The following FLG variants were observed in gnomAD, a reference collection of about 807,000 sequenced individuals.
FLG encodes the protein epidermal filaggrin.
Under a neutral mutation model 3.8 loss-of-function variants are expected in FLG, and 6 were observed. The observed-to-expected ratio is 1.60, with a 90% CI of 0.87 to 3.15. The LOEUF (loss-of-function observed/expected upper bound fraction) is 3.15. Ranked by LOEUF, FLG falls within the 30% of genes most tolerant of loss-of-function variation. The probability of loss-of-function intolerance (pLI) is 0.00; values close to 1 mark genes in which losing one functional copy is unlikely to be tolerated. For missense variants in FLG, 7,595 were observed against 5,050.9 expected, an observed-to-expected ratio of 1.50 and a Z score of -15.27; for synonymous variants, 2,551 against 1,931.6, an observed-to-expected ratio of 1.32 and a Z score of -8.41.
Position 152,308,905 on chromosome 1 carries a change from TG to T in FLG, c.5980del (p.His1994MetfsTer101). On this transcript the variant is annotated frameshift_variant, in exon 3 of 3. Coordinates refer to ENST00000368799, the MANE Select transcript of FLG (RefSeq NM_002016.2). LOFTEE classifies it low-confidence loss of function (END_TRUNC). ...TCCTGCACTTGATCTTGCCTGTTCA[TG>T]GGATGACGCAGCCTGTCCACGAGAG... ...SSSRGQAASS[H>X]EQARSSAGER... 1.9e-6 allele frequency: 3 copies of T among 1,614,136 alleles called. No individual in the cohort carries two copies. The highest frequency in any genetic ancestry group is 2.2e-5 in the South Asian group (2 of 91,080).
chr1:152,308,456 G>T lies in FLG; in HGVS notation c.6430C>A (p.Pro2144Thr), dbSNP rs78771632. The T allele has an allele frequency of 9.0e-5, 146 of 1,613,552 alleles. No individual in the cohort carries two copies. In the African/African-American group the frequency reaches 1.8e-3, roughly 20 times the overall value. Residue 2144 changes from proline to threonine, a missense_variant, in exon 3 of 3, where the codon CCA becomes ACA. By Grantham distance (38) the Pro-to-Thr change is conservative. Transcript: ENST00000368799. ...GACCCCTGTCTTCCTCCTCTGCTTG[G>T]CCCCGGGTGTCCACGAATGGTGTCC... ...GQDTIRGHPG[P>T]SRGGRQGSHQ...
chr1:152,311,778 G>C lies in FLG; in HGVS notation c.3108C>G (p.Arg1036=), dbSNP rs1463093715. 6.2e-7 allele frequency: 1 copy of C among 1,613,956 alleles called. No individual in the cohort carries two copies. Among genetic ancestry groups the C allele is most frequent in the African/African-American group, 1.3e-5 (1 of 74,894 alleles). Residue 1036 remains arginine (R), a synonymous_variant, in exon 3 of 3, where the codon CGC becomes CGG. Coordinates refer to ENST00000368799, the MANE Select transcript of FLG (RefSeq NM_002016.2). ...TGGAGCTGTCTGCTGACTGCTGGTGGCGGGATCCGTGTCTTTCTCCTGGAC... is the reference window on the plus strand; with the variant it reads ...TGGAGCTGTCTGCTGACTGCTGGTGCCGGGATCCGTGTCTTTCTCCTGGAC... ...RSSPGERHGS[R]HQQSADSSRH... is the part of the protein sequence containing the mutation.
chr1:152,309,930 T>C lies in FLG; in HGVS notation c.4956A>G (p.Gln1652=), dbSNP rs1652272466. 6.2e-7 allele frequency: 1 copy of C among 1,614,118 alleles called. No individual in the cohort carries two copies. Among genetic ancestry groups the C allele is most frequent in the Non-Finnish European group, 8.5e-7 (1 of 1,180,016 alleles). Residue 1652 remains glutamine, a synonymous_variant, in exon 3 of 3, where the codon CAA becomes CAG. Transcript: ENST00000368799. ...AAGTCTCTGCATGACGAGTGCCTGA[T>C]TGTCTGGAGCTCTCTGCAGAGTGCC... The part of the protein sequence containing the change: ...SHGHSAESSR[Q]SGTRHAETSS...
At chr1:152,316,643 C>A (rs1652798639) in intron 1 of FLG, among the ~76,000 whole-genome samples, 1 of 151,994 alleles carries the variant, frequency 6.6e-6, no homozygotes, top group African/African-American at 2.4e-5. Flanking sequence ...TATTTTCAGC[C>A]AGTCTTATTT....
chr1:152,309,115 C>T lies in FLG; in HGVS notation c.5771G>A (p.Ser1924Asn). ...CTCAGAGTCTTCTGAGTGTCCCTGACTGTCACTGTCCTGGCTAACACTGGA... is the reference window on the plus strand; with the variant it reads ...CTCAGAGTCTTCTGAGTGTCCCTGATTGTCACTGTCCTGGCTAACACTGGA... ...QGSSVSQDSD[S>N]QGHSEDSERW... is the part of the protein sequence containing the mutation. Residue 1924 changes from serine (S) to asparagine (N), a missense_variant, in exon 3 of 3, where the codon AGT becomes AAT. Transcript: ENST00000368799. 2 of 1,613,866 alleles carry T rather than the reference C, an allele frequency of 1.2e-6. No individual in the cohort carries two copies. Among genetic ancestry groups the T allele is most frequent in the South Asian group, 1.1e-5 (1 of 91,082 alleles).
In FLG at chr1:152,304,547, C is replaced by A; in HGVS notation, c.10339G>T (p.Gly3447Ter). ...HPGSSRRGRQ[G>*]SHYEQSVDRS... ...TCTACCGATTGCTCGTAGTGGGATC[C>A]CTGCCTTCCTCTTCTGCTTGACCCC... Residue 3447 changes from glycine to a stop codon, truncating the protein, a stop_gained, in exon 3 of 3, where the codon GGA becomes TGA. Transcript: ENST00000368799. LOFTEE classifies it low-confidence loss of function (END_TRUNC). The A allele has an allele frequency of 6.2e-7, 1 of 1,609,740 alleles. No homozygotes were observed. The highest frequency in any genetic ancestry group is 8.5e-7 in the Non-Finnish European group (1 of 1,177,656).
rs139456266 is a variant in FLG, at chr1:152,311,057, C to G, written c.3829G>C (p.Glu1277Gln). The G allele has an allele frequency of 4.7e-4, 763 of 1,613,886 alleles. 1 individual carries two copies. Among genetic ancestry groups the G allele is most frequent in the Admixed American group, 4.0e-3 (240 of 59,986 alleles). Residue 1277 changes from glutamate to glutamine, a missense_variant, in exon 3 of 3, where the codon GAG (glutamate) becomes CAG (glutamine). Coordinates refer to ENST00000368799, the MANE Select transcript of FLG (RefSeq NM_002016.2). ...GSSVSQDSDS[E>Q]RHSDDSERLS... is the part of the protein sequence containing the mutation. ...CTCTCGGAGTCGTCTGAGTGTCTCT[C>G]ACTGTCACTGTCCTGGCTAACACTG...
Position 152,321,891 on chromosome 1 carries a change from A to C in FLG, c.-22+3298T>G, listed in dbSNP as rs145044795. Among the ~76,000 whole-genome samples the C allele has an allele frequency of 4.0e-4, 60 of 151,268 alleles. No homozygotes were observed. The East Asian group carries it at 0.011, about 27-fold the overall frequency. ...ACAATTCCTTTCATATAGATGCAAA[A>C]CTCTGAAAGAATATAATAGCAGACT... On this transcript the variant is annotated intron_variant, in intron 1 of 2. Coordinates refer to ENST00000368799, the MANE Select transcript of FLG (RefSeq NM_002016.2).
intron 1 of FLG, among the ~76,000 whole-genome samples, 159 bp from the exon 2 acceptor site, chr1:152,315,636 A>G (rs1033857788): frequency 6.6e-6 from 1 of 152,246 alleles, no homozygotes; most frequent in African/African-American, 2.4e-5. Context: ...CCATCTACAT[A>G]AAACAAATGA....
At position 152,312,305 on chromosome 1, in the gene FLG, C is replaced by T. The variant is rs139964336; in HGVS notation, c.2581G>A (p.Val861Ile). 65 of 1,613,408 alleles carry T rather than the reference C, an allele frequency of 4.0e-5. No homozygotes were observed. The highest frequency in any genetic ancestry group is 5.3e-5 in the Non-Finnish European group (63 of 1,179,890). ...GACCCTGAGTGTCCAGACCTATCTA[C>T]CGATTGCTCGTGGTGGGACCCCTGC... The part of the protein sequence containing the change: ...GRQGSHHEQS[V>I]DRSGHSGSHH... Residue 861 changes from valine to isoleucine, a missense_variant, in exon 3 of 3, where the codon GTA becomes ATA. Transcript: ENST00000368799.
In FLG at chr1:152,314,060, G is replaced by A. The variant is rs761900011; in HGVS notation, c.826C>T (p.His276Tyr). 1.2e-6 allele frequency: 2 copies of A among 1,614,068 alleles called. No homozygotes were observed. Among genetic ancestry groups the A allele is most frequent in the African/African-American group, 2.7e-5 (2 of 74,930 alleles). Reference sequence around the variant, plus strand: ...AATGGTACCTGGCTTGTATTTTCATGTCTTGACCTGTTCACTTGAGATGAT... The same window carrying A: ...AATGGTACCTGGCTTGTATTTTCATATCTTGACCTGTTCACTTGAGATGAT... The part of the protein sequence containing the change: ...KSSSQVNRSR[H>Y]ENTSQVPLQE... The change falls in exon 3 of 3, where the codon CAT becomes TAT. Residue 276 changes from histidine (H) to tyrosine (Y), a missense_variant. Physicochemically the swap from His to Tyr is moderately conservative, Grantham distance 83 (BLOSUM62 2). Coordinates refer to ENST00000368799, the MANE Select transcript of FLG (RefSeq NM_002016.2).
rs1182764344 is a variant in FLG at position 152,302,593 on chromosome 1, A to T, written c.*107T>A. On this transcript the variant is annotated 3_prime_UTR_variant, in exon 3 of 3. Transcript: ENST00000368799. ...AAATACTATAGCATATTTTAAACAG[A>T]TTGACAGGAAAAGATAACTTCCCTG... 4 of 1,433,394 alleles carry T rather than the reference A, an allele frequency of 2.8e-6. No individual in the cohort carries two copies. In the African/African-American group the frequency reaches 5.7e-5, roughly 20 times the overall value. The allele number at this position is 1,433,394 out of a possible 1,614,324, so 88.8% of individuals were successfully genotyped here.
chr1:152,311,142 T>C lies in FLG; in HGVS notation c.3744A>G (p.Arg1248=), dbSNP rs142170649. 177 of 1,613,768 alleles carry C rather than the reference T, an allele frequency of 1.1e-4. No individual in the cohort carries two copies. Among genetic ancestry groups the C allele is most frequent in the Non-Finnish European group, 1.9e-5 (23 of 1,180,008 alleles). ...ATTGTTCCTGTCCCACCTGTGAGTG[T>C]CTAGAGCTGTCAGCCCAAGAGGCAG... ...HEAASWADSS[R]HSQVGQEQSS... is the part of the protein sequence containing the mutation. The change falls in exon 3 of 3, where the codon AGA becomes AGG. Residue 1248 remains arginine (R), a synonymous_variant. Coordinates refer to ENST00000368799, the MANE Select transcript of FLG (RefSeq NM_002016.2).
Position 152,302,950 on chromosome 1 carries a change from T to A in FLG, c.11936A>T (p.Tyr3979Phe). 4.3e-6 allele frequency: 7 copies of A among 1,614,150 alleles called. No individual in the cohort carries two copies. Among genetic ancestry groups the A allele is most frequent in the Non-Finnish European group, 5.9e-6 (7 of 1,180,014 alleles). Reference protein sequence around the residue: ...QSGLVWRHGSYGSADYDYGES... With the variant: ...QSGLVWRHGSFGSADYDYGES... ...ACCATAATCATAATCTGCACTACCATAGCTGCCATGTCTCCAAACTAAACC... is the reference window on the plus strand; with the variant it reads ...ACCATAATCATAATCTGCACTACCAAAGCTGCCATGTCTCCAAACTAAACC... Residue 3979 changes from tyrosine to phenylalanine, a missense_variant, in exon 3 of 3, where the codon TAT (tyrosine) becomes TTT (phenylalanine). Transcript: ENST00000368799.
At position 152,310,589 on chromosome 1, in the gene FLG, C is replaced by T. The variant is rs267598030; in HGVS notation, c.4297G>A (p.Glu1433Lys). 2.5e-6 allele frequency: 4 copies of T among 1,613,858 alleles called. No homozygotes were observed. Among genetic ancestry groups the T allele is most frequent in the Non-Finnish European group, 2.5e-6 (3 of 1,179,976 alleles). ...HKESARGQSG[E>K]SSGRSRSFLY... ...AAAGACCTTGAACGTCCAGAGCTTT[C>T]CCCTGACTGGCCACGTGCGGACTCT... The change falls in exon 3 of 3, where the codon GAA becomes AAA. Residue 1433 changes from glutamate to lysine, a missense_variant. By Grantham distance (56) the Glu-to-Lys change is moderately conservative. Transcript: ENST00000368799.
In FLG at chr1:152,319,308, ATGTGTGTGTG is replaced by A. The variant is rs138449164; in HGVS notation, c.-21-3841_-21-3832del. Among the ~76,000 whole-genome samples the A allele has an allele frequency of 5.9e-4, 86 of 145,294 alleles. 1 individual carries two copies. The highest frequency in any genetic ancestry group is 3.1e-3 in the South Asian group (14 of 4,590). On this transcript the variant is annotated intron_variant, in intron 1 of 2. Transcript: ENST00000368799. ...GACTAACTCTGAATACAACTAGAAAATGTGTGTGTGTGTGTGTGTGTGTGTGTGTGTGTTT... is the reference window on the plus strand; with the variant it reads ...GACTAACTCTGAATACAACTAGAAAATGTGTGTGTGTGTGTGTGTGTGTTT...
In FLG at chr1:152,311,789, G is replaced by T. The variant is rs769374040; in HGVS notation, c.3097C>A (p.His1033Asn). ...EQARSSPGER[H>N]GSRHQQSADS... Reference sequence around the variant, plus strand: ...GCTGACTGCTGGTGGCGGGATCCGTGTCTTTCTCCTGGACTTGATCTTGCC... The same window carrying T: ...GCTGACTGCTGGTGGCGGGATCCGTTTCTTTCTCCTGGACTTGATCTTGCC... Residue 1033 changes from histidine to asparagine, a missense_variant, in exon 3 of 3, where the codon CAC becomes AAC. By Grantham distance (68) the His-to-Asn change is moderately conservative (BLOSUM62 1). Coordinates refer to ENST00000368799, the MANE Select transcript of FLG (RefSeq NM_002016.2). The T allele has an allele frequency of 6.2e-7, 1 of 1,614,120 alleles. No individual in the cohort carries two copies. The highest frequency in any genetic ancestry group is 1.1e-5 in the South Asian group (1 of 91,062).
Position 152,310,377 on chromosome 1 carries a change from G to C in FLG, c.4509C>G (p.Ser1503=), listed in dbSNP as rs1652319286. The change falls in exon 3 of 3, where the codon TCC becomes TCG. Residue 1503 remains serine (S), a synonymous_variant. Coordinates refer to ENST00000368799, the MANE Select transcript of FLG (RefSeq NM_002016.2). ...ACCTATCTACTGATTGCTCGTGGTA[G>C]GATCCCTGCCTTCCTCCTCTGCTTG... ...PGSSRGGRQG[S]YHEQSVDRSG... is the part of the protein sequence containing the mutation. 1 of 1,613,692 alleles carries C rather than the reference G, an allele frequency of 6.2e-7. No individual in the cohort carries two copies. The highest frequency in any genetic ancestry group is 1.3e-5 in the African/African-American group (1 of 74,814).
At chr1:152,322,694 G>C (rs1166197364) in intron 1 of FLG, among the ~76,000 whole-genome samples, 3 of 150,952 alleles carry the variant, frequency 2.0e-5, no homozygotes, top group Non-Finnish European at 4.5e-5. Flanking sequence ...ACATGAAAGA[G>C]CTATACTCAG....
Sources: allele counts gnomAD v4.1 joint callset (sites outside exome capture counted in the v4.1 genomes callset), GRCh38; gene constraint gnomAD v4.1.1; transcripts MANE v1.5; gene names NCBI Gene and HGNC (gene_info 2026-07-23, HGNC 2026-07-21).